The following GRM7 variants were observed in gnomAD, a reference collection of about 807,000 sequenced individuals.
GRM7 encodes the protein glutamate metabotropic receptor 7, also known as metabotropic glutamate receptor 7.
GRM7 carries 35 observed loss-of-function variants against 84.5 expected under a neutral mutation model. That is an observed-to-expected ratio of 0.41 (90% confidence interval 0.32 to 0.55). The LOEUF (loss-of-function observed/expected upper bound fraction) is 0.55, where lower values mean the gene tolerates loss of function less well. Among genes scored for constraint, GRM7 ranks in the 20% least tolerant of loss-of-function variants. The pLI is 0.19. For missense variants in GRM7, 1,003 were observed against 1,194.6 expected (o/e 0.84, Z 2.36); for synonymous variants, 487 against 455.1 (o/e 1.07, Z -0.89).
chr3:7,059,422 T>G (rs1697351003), intron 1 of GRM7, among the ~76,000 whole-genome samples: 2 of 151,814 alleles, frequency 1.3e-5, no homozygotes. Context: ...TATAAAAGTT[T>G]CTATTCAATA....
chr3:7,507,310 G>A (rs1045518355), intron 7 of GRM7, among the ~76,000 whole-genome samples: 1 of 152,184 alleles, frequency 6.6e-6, no homozygotes, highest in Non-Finnish European at 1.5e-5. Context: ...TCAGGACACA[G>A]CTACTGGGAC....
intron 4 of GRM7, among the ~76,000 whole-genome samples, chr3:7,365,647 G>GTATATATATATATATATA (rs755999982): frequency 8.9e-4 from 116 of 130,010 alleles, no homozygotes; most frequent in African/African-American, 3.1e-3. Context: ...GTGCGTGTGT[G>GTATATATATATATATATA]TATATATATA....
chr3:7,520,511 A>AT (rs1700555671), intron 7 of GRM7, among the ~76,000 whole-genome samples: 1 of 112,934 alleles, frequency 8.9e-6, no homozygotes, highest in Admixed American at 8.5e-5. Context: ...CCTGAAAAAA[A>AT]TAAAAAAAAA....
At chr3:7,149,855 T>C (rs1284950703) in intron 2 of GRM7, among the ~76,000 whole-genome samples, 1 of 152,208 alleles carries the variant, frequency 6.6e-6, no homozygotes, top group Non-Finnish European at 1.5e-5. Context: ...AATGGCTCCC[T>C]ATAAATAAGT....
At chr3:7,029,146 A>G (rs1696091114) in intron 1 of GRM7, among the ~76,000 whole-genome samples, 1 of 152,142 alleles carries the variant, frequency 6.6e-6, no homozygotes, top group Admixed American at 6.5e-5. Flanking sequence ...TCAACTAAAA[A>G]TACAAAAATT....
At chr3:7,571,814 T>A (rs1263822572) in intron 7 of GRM7, among the ~76,000 whole-genome samples, 1 of 152,178 alleles carries the variant, frequency 6.6e-6, no homozygotes, top group Admixed American at 6.5e-5. Flanking sequence ...TGGCAATTTA[T>A]AAAAGAAAGA....
chr3:7,106,898 A>G (rs1692669655), intron 1 of GRM7, among the ~76,000 whole-genome samples: 1 of 152,050 alleles, frequency 6.6e-6, no homozygotes, highest in African/African-American at 2.4e-5. Context: ...AGCAAATGAG[A>G]AGAATAAATC....
In GRM7 at chr3:7,047,275, C is replaced by A. The variant is rs558701648; in HGVS notation, c.520-99177C>A. Among the ~76,000 whole-genome samples, 200 of 152,090 alleles carry A rather than the reference C, an allele frequency of 1.3e-3. 1 individual carries two copies. Among genetic ancestry groups the A allele is most frequent in the Non-Finnish European group, 1.3e-3 (87 of 67,954 alleles). On this transcript the variant is annotated intron_variant, in intron 1 of 9. Transcript: ENST00000357716. ...TGAAAATATTTTACAATCTTAGAATCTGGCTTTTTTACAGAAAAAGTTTGT... is the reference window on the plus strand; with the variant it reads ...TGAAAATATTTTACAATCTTAGAATATGGCTTTTTTACAGAAAAAGTTTGT...
intron 1 of GRM7, among the ~76,000 whole-genome samples, chr3:6,978,612 C>T (rs896704869): frequency 2.6e-5 from 4 of 152,014 alleles, no homozygotes; most frequent in Admixed American, 2.6e-4. Flanking sequence ...AATTGCACTG[C>T]AAAATGAGGA....
At chr3:7,099,878 G>C (rs569657783) in intron 1 of GRM7, among the ~76,000 whole-genome samples, 17 of 136,782 alleles carry the variant, frequency 1.2e-4, no homozygotes, top group Admixed American at 3.0e-4. Flanking sequence ...ATATGTACAC[G>C]CATTATACAT....
At chr3:7,021,289 AAAC>A (rs1490524846) in intron 1 of GRM7, among the ~76,000 whole-genome samples, 1 of 152,206 alleles carries the variant, frequency 6.6e-6, no homozygotes, top group Non-Finnish European at 1.5e-5. Flanking sequence ...AATGGAGCAG[AAAC>A]AATTGATTTG....
intron 9 of GRM7, chr3:7,681,535 TAAC>T (rs1254271371): frequency 6.6e-6 from 1 of 152,182 alleles, no homozygotes; most frequent in Non-Finnish European, 1.5e-5. Context: ...CAAGGTTAAT[TAAC>T]AACATTGTGG....
chr3:6,886,584 G>A (rs919164286), intron 1 of GRM7, among the ~76,000 whole-genome samples: 1 of 151,854 alleles, frequency 6.6e-6, no homozygotes, highest in Admixed American at 6.6e-5. Flanking sequence ...GTGACTTCTG[G>A]TCCATTGTTT....
chr3:7,735,160 A>C (rs1702462270), intron 9 of GRM7, among the ~76,000 whole-genome samples: 1 of 152,226 alleles, frequency 6.6e-6, no homozygotes, highest in Non-Finnish European at 1.5e-5. Context: ...TTAATAGGGA[A>C]GCATTAGTTG....
chr3:7,385,139 G>T (rs1051794442), intron 4 of GRM7, among the ~76,000 whole-genome samples: 2 of 151,712 alleles, frequency 1.3e-5, no homozygotes, highest in African/African-American at 4.8e-5. Flanking sequence ...ATCAAAATAA[G>T]GGAAAATGCA....
In GRM7 at chr3:6,928,003, T is replaced by G. The variant is rs1417325951; in HGVS notation, c.519+66096T>G. Among the ~76,000 whole-genome samples the G allele has an allele frequency of 6.6e-6, 1 of 152,230 alleles. No homozygotes were observed. Among genetic ancestry groups the G allele is most frequent in the Non-Finnish European group, 1.5e-5 (1 of 68,042 alleles). ...TGTAATCACTAGGTCGCAAATCCAC[T>G]TGTAACTCACATAGGCAATTTTTCA... On this transcript the variant is annotated intron_variant, in intron 1 of 9. Coordinates refer to ENST00000357716, the MANE Select transcript of GRM7 (RefSeq NM_000844.4). The surrounding 1 kb of genome is among the most constrained non-coding windows in gnomAD (Gnocchi z 4.5).
At chr3:7,695,018 G>A (rs550782173) in intron 9 of GRM7, among the ~76,000 whole-genome samples, 1 of 152,158 alleles carries the variant, frequency 6.6e-6, no homozygotes, top group Non-Finnish European at 1.5e-5. Flanking sequence ...GCATTGAAGT[G>A]ATGGTGATCA....
At chr3:7,320,243 A>G (rs1323182371) in intron 4 of GRM7, among the ~76,000 whole-genome samples, 6 of 151,988 alleles carry the variant, frequency 3.9e-5, no homozygotes, top group African/African-American at 1.2e-4. Flanking sequence ...TGAGACGCCT[A>G]TAACAAAAGA....
intron 7 of GRM7, among the ~76,000 whole-genome samples, chr3:7,573,609 T>G (rs1694812783): frequency 6.6e-6 from 1 of 152,244 alleles, no homozygotes; most frequent in Non-Finnish European, 1.5e-5. Flanking sequence ...TGCACATTCC[T>G]TGCGGAGTAG....
Sources: allele counts gnomAD v4.1 joint callset (sites outside exome capture counted in the v4.1 genomes callset), GRCh38; gene constraint gnomAD v4.1.1; non-coding constraint Gnocchi (gnomAD v3.1); transcripts MANE v1.5; gene names NCBI Gene and HGNC (gene_info 2026-07-23, HGNC 2026-07-21).